The following ST18 variants were observed in gnomAD, a reference collection of about 807,000 sequenced individuals.
ST18 encodes ST18 C2H2C-type zinc finger transcription factor.
ST18 carries 50 observed loss-of-function variants against 110.0 expected under a neutral mutation model. The observed-to-expected ratio is 0.45, with a 90% CI of 0.36 to 0.58. The LOEUF is 0.58. ST18 is among the 20% of genes least tolerant of loss of function. ST18 has a pLI of 0.00. For missense variants in ST18, 1,306 were observed against 1,280.1 expected (o/e 1.02, Z -0.31); for synonymous variants, 461 against 452.4 (o/e 1.02, Z -0.24).
intron 2 of ST18, among the ~76,000 whole-genome samples, chr8:52,286,337 T>A (rs1463731112): frequency 1.3e-5 from 2 of 152,166 alleles, no homozygotes; most frequent in African/African-American, 4.8e-5. Flanking sequence ...TAAGAAATAA[T>A]AGCATTGAAG....
At chr8:52,270,444 T>C (rs2095037365) in intron 2 of ST18, among the ~76,000 whole-genome samples, 1 of 152,184 alleles carries the variant, frequency 6.6e-6, no homozygotes, top group African/African-American at 2.4e-5. Context: ...GTGAGAACAC[T>C]CACGATCTTC....
At chr8:52,368,427 G>T (rs1340684944) in intron 2 of ST18, among the ~76,000 whole-genome samples, 1 of 152,100 alleles carries the variant, frequency 6.6e-6, no homozygotes, top group Non-Finnish European at 1.5e-5. Context: ...TGTTTCTTGT[G>T]GATCATTTAG....
intron 24 of ST18, 43 bp downstream of exon 24, chr8:52,118,295 A>T (rs780876190): frequency 5.2e-6 from 7 of 1,339,668 alleles, no homozygotes; most frequent in Non-Finnish European, 7.3e-6. Flanking sequence ...TCCACCAAAG[A>T]TTATGATTAC....
At chr8:52,122,890 G>A (rs1488099278) in intron 23 of ST18, among the ~76,000 whole-genome samples, 1 of 151,982 alleles carries the variant, frequency 6.6e-6, no homozygotes, top group East Asian at 1.9e-4. Context: ...TACTAAAGGA[G>A]TGAGGAGAGT....
chr8:52,367,243 C>CACACACACAT (rs1828431386), intron 2 of ST18, among the ~76,000 whole-genome samples: 1 of 149,218 alleles, frequency 6.7e-6, no homozygotes, highest in Non-Finnish European at 1.5e-5. Context: ...GTCTCACACA[C>CACACACACAT]ACACACACAC....
chr8:52,382,265 A>T lies in ST18; in HGVS notation c.-465+27063T>A, dbSNP rs1834845965. Reference sequence around the variant, plus strand: ...TGTATCCAGTACAAAGCTTCTCATAAATAAATAGGGCTAGAGGCATGTTTG... The same window carrying T: ...TGTATCCAGTACAAAGCTTCTCATATATAAATAGGGCTAGAGGCATGTTTG... On this transcript the variant is annotated intron_variant, in intron 2 of 25. Transcript: ENST00000689386. Among the ~76,000 whole-genome samples the T allele has an allele frequency of 5.9e-5, 9 of 152,198 alleles. 1 individual carries two copies. Among genetic ancestry groups the T allele is most frequent in the Admixed American group, 6.5e-5 (1 of 15,288 alleles).
At chr8:52,357,048 A>C (rs1823058779) in intron 2 of ST18, among the ~76,000 whole-genome samples, 1 of 152,132 alleles carries the variant, frequency 6.6e-6, no homozygotes, top group Non-Finnish European at 1.5e-5. Context: ...AAACCTCCAC[A>C]TGTACCCCTG....
At chr8:52,275,486 C>T (rs544860019) in intron 2 of ST18, among the ~76,000 whole-genome samples, 7 of 152,310 alleles carry the variant, frequency 4.6e-5, no homozygotes, top group Non-Finnish European at 8.8e-5. Flanking sequence ...CAATCCATCA[C>T]AGCTGAAGGT....
At chr8:52,357,188 C>G (rs575560491) in intron 2 of ST18, among the ~76,000 whole-genome samples, 192 of 152,194 alleles carry the variant, frequency 1.3e-3, no homozygotes, top group African/African-American at 4.3e-3. Context: ...GAGCTTCCAT[C>G]CCCTCAAGCA....
At chr8:52,281,656 A>G (rs1041484074) in intron 2 of ST18, among the ~76,000 whole-genome samples, 1 of 152,198 alleles carries the variant, frequency 6.6e-6, no homozygotes, top group Non-Finnish European at 1.5e-5. Context: ...AAAAACAAAC[A>G]AAACAAAGCT....
intron 16 of ST18, among the ~76,000 whole-genome samples, chr8:52,146,621 G>A (rs745643649): frequency 2.6e-5 from 4 of 151,934 alleles, no homozygotes; most frequent in Admixed American, 6.6e-5. Context: ...GAGACATTGC[G>A]TATAAAGGTT....
At chr8:52,251,220 A>G (rs1309693889) in intron 2 of ST18, among the ~76,000 whole-genome samples, 1 of 152,154 alleles carries the variant, frequency 6.6e-6, no homozygotes, top group Non-Finnish European at 1.5e-5. Flanking sequence ...ACCTTTGGGG[A>G]AATATGAATC....
chr8:52,153,780 T>C (rs775300761), intron 15 of ST18, among the ~76,000 whole-genome samples: 3 of 152,336 alleles, frequency 2.0e-5, no homozygotes, highest in South Asian at 2.1e-4. Flanking sequence ...TCAACAGTTA[T>C]AGTTGTGCCA....
At chr8:52,217,214 A>C (rs541602705) in intron 6 of ST18, among the ~76,000 whole-genome samples, 12 of 152,286 alleles carry the variant, frequency 7.9e-5, no homozygotes, top group Non-Finnish European at 1.8e-4. Context: ...TAGGGCATTT[A>C]TATACTTCAT....
In ST18 at chr8:52,389,241, T is replaced by C. The variant is rs116989476; in HGVS notation, c.-465+20087A>G. On this transcript the variant is annotated intron_variant, in intron 2 of 25. Transcript: ENST00000689386. ...GGGAGCAGCACCATCAGACTCCCAG[T>C]TGGCGCCCGGCAGGCGGAAAAGGTG... is the stretch of plus-strand genomic sequence containing the variant. 2.1e-3 allele frequency among the ~76,000 whole-genome samples: 322 copies of C among 152,210 alleles called. 7 individuals are homozygous for C. The East Asian group carries it at 0.053, about 25-fold the overall frequency.
intron 10 of ST18, among the ~76,000 whole-genome samples, chr8:52,168,602 G>C (rs1187014523): frequency 6.6e-6 from 1 of 152,104 alleles, no homozygotes; most frequent in African/African-American, 2.4e-5. Context: ...GGGAGGTCAG[G>C]AGACAAGGCA....
At chr8:52,173,391 C>A (rs932703659) in intron 9 of ST18, among the ~76,000 whole-genome samples, 2 of 152,172 alleles carry the variant, frequency 1.3e-5, no homozygotes, top group East Asian at 1.9e-4. Flanking sequence ...GGGTCCTGAA[C>A]GTGAAGGCAC....
intron 2 of ST18, among the ~76,000 whole-genome samples, chr8:52,373,615 C>T (rs879287586): frequency 7.2e-5 from 11 of 152,138 alleles, no homozygotes; most frequent in Non-Finnish European, 1.6e-4. Flanking sequence ...CCACCCCAAA[C>T]CCTCCTAGGC....
At chr8:52,291,565 A>G (rs988344107) in intron 2 of ST18, among the ~76,000 whole-genome samples, 1 of 152,218 alleles carries the variant, frequency 6.6e-6, no homozygotes, top group African/African-American at 2.4e-5. Flanking sequence ...TATACTCCAG[A>G]TAAATTCATC....
Sources: allele counts gnomAD v4.1 joint callset (sites outside exome capture counted in the v4.1 genomes callset), GRCh38; gene constraint gnomAD v4.1.1; transcripts MANE v1.5; gene names NCBI Gene and HGNC (gene_info 2026-07-23, HGNC 2026-07-21).